MYLK2: variants seen among roughly 807,000 people sequenced by gnomAD.
MYLK2 encodes the protein myosin light chain kinase 2.
In MYLK2, 27 loss-of-function variants were observed where a neutral mutation model predicts 58.2. The ratio of observed to expected loss-of-function variants is 0.46; its 90% CI spans 0.34 to 0.64. MYLK2 has a LOEUF of 0.64. Among genes scored for constraint, MYLK2 ranks in the 30% least tolerant of loss-of-function variants. The probability of loss-of-function intolerance (pLI) is 0.01; values close to 1 mark genes in which losing one functional copy is unlikely to be tolerated. For missense variants in MYLK2, 676 were observed against 764.3 expected, an observed-to-expected ratio of 0.88 and a Z score of 1.36; for synonymous variants, 310 against 296.7, an observed-to-expected ratio of 1.04 and a Z score of -0.46.
rs1353345078 is a variant in MYLK2, at chr20:31,834,435, T to G, written c.*638T>G. 6.5e-6 allele frequency: 1 copy of G among 153,304 alleles called. No individual in the cohort carries two copies. The highest frequency in any genetic ancestry group is 2.4e-5 in the African/African-American group (1 of 41,214). 9.5% of individuals were successfully genotyped at this position (153,304 alleles called of 1,614,324 possible). ...TGCGACCACCAACACACAGGAACTC[T>G]GTGTGAGAGAGAGGGCGCCCAGCCC... On this transcript the variant is annotated 3_prime_UTR_variant, in exon 13 of 13. Coordinates refer to ENST00000375985, the MANE Select transcript of MYLK2 (RefSeq NM_033118.4).
In MYLK2 at chr20:31,833,722, C is replaced by A; in HGVS notation, c.1716C>A (p.Asn572Lys). ...KYLMKRRWKK[N>K]FIAVSAANRF... ...CCCTCTCTTCTGCCCTCTAGAAAAACTTCATTGCTGTCAGCGCTGCCAACC... is the reference window on the plus strand; with the variant it reads ...CCCTCTCTTCTGCCCTCTAGAAAAAATTCATTGCTGTCAGCGCTGCCAACC... The change falls in exon 13 of 13, where the codon AAC becomes AAA. Residue 572 changes from asparagine to lysine, a missense_variant. Asn to Lys is a moderately conservative substitution (Grantham distance 94). Around this residue, in one of 2 missense-constraint regions of MYLK2, gnomAD observed 370 missense variants for 467.8 expected, o/e 0.79. Coordinates refer to ENST00000375985, the MANE Select transcript of MYLK2 (RefSeq NM_033118.4). 2.5e-6 allele frequency: 4 copies of A among 1,613,992 alleles called. No individual in the cohort carries two copies. In the South Asian group the frequency reaches 3.3e-5, roughly 13 times the overall value.
At chr20:31,828,678 C>T in intron 8 of MYLK2, 1 of 985,444 alleles carries the variant, frequency 1.0e-6, no homozygotes, top group Non-Finnish European at 1.2e-6. Flanking sequence ...CTGAAGCAGG[C>T]AGGGAGATGC....
At chr20:31,829,917 T>A (rs1439777167) in intron 8 of MYLK2, among the ~76,000 whole-genome samples, 1 of 152,234 alleles carries the variant, frequency 6.6e-6, no homozygotes. Flanking sequence ...GAGCCCCTAC[T>A]GGGTGCCTTT....
intron 8 of MYLK2, chr20:31,828,209 A>G (rs907018353): frequency 2.0e-6 from 2 of 985,210 alleles, no homozygotes; most frequent in South Asian, 4.7e-5. Context: ...TATACATTGC[A>G]GCAACTCCAG....
At chr20:31,822,415 A>AG (rs2062255627) in intron 4 of MYLK2, among the ~76,000 whole-genome samples, 1 of 152,198 alleles carries the variant, frequency 6.6e-6, no homozygotes, top group Admixed American at 6.5e-5. Flanking sequence ...TGAGGAGCAC[A>AG]GGTGCCTGTG....
At position 31,820,470 on chromosome 20, in the gene MYLK2, G is replaced by C. The variant is rs1369402580; in HGVS notation, c.397G>C (p.Ala133Pro). 1.2e-6 allele frequency: 2 copies of C among 1,610,932 alleles called. No homozygotes were observed. Among genetic ancestry groups the C allele is most frequent in the Non-Finnish European group, 1.7e-6 (2 of 1,180,014 alleles). The change falls in exon 3 of 13, where the codon GCA becomes CCA. Residue 133 changes from alanine to proline, a missense_variant. Ala to Pro is a conservative substitution (Grantham distance 27, BLOSUM62 -1). Coordinates refer to ENST00000375985, the MANE Select transcript of MYLK2 (RefSeq NM_033118.4). Reference protein sequence around the residue: ...PGKPRVGKKAAEGQAAARRGS... With the variant: ...PGKPRVGKKAPEGQAAARRGS... ...AAAGCCCAGGGTGGGCAAGAAGGCA[G>C]CAGAGGGCCAAGCAGCAGCCAGGAG...
At position 31,821,481 on chromosome 20, in the gene MYLK2, A is replaced by C. The variant is rs1407512079; in HGVS notation, c.516A>C (p.Ser172=). The C allele has an allele frequency of 6.8e-6, 11 of 1,613,834 alleles. No homozygotes were observed. Among genetic ancestry groups the C allele is most frequent in the Non-Finnish European group, 9.3e-6 (11 of 1,180,044 alleles). ...CCAAGAAGCCCCCAAGCGAGGCATC[A>C]GAGCTCACCTTTGAAGGGGTGCCCA... ...LLAKKPPSEA[S]ELTFEGVPMT... is the part of the protein sequence containing the mutation. Residue 172 remains serine (S), a synonymous_variant, in exon 4 of 13, where the codon TCA becomes TCC. Transcript: ENST00000375985.
chr20:31,821,556 G>T lies in MYLK2; in HGVS notation c.591G>T (p.Lys197Asn), dbSNP rs1450943906. 5 of 1,613,984 alleles carry T rather than the reference G, an allele frequency of 3.1e-6. No homozygotes were observed. The highest frequency in any genetic ancestry group is 1.3e-5 in the African/African-American group (1 of 74,934). The change falls in exon 4 of 13, where the codon AAG (lysine) becomes AAT (asparagine). Residue 197 changes from lysine to asparagine, a missense_variant. Lys to Asn is a moderately conservative substitution (Grantham distance 94, BLOSUM62 0). This residue lies in a region of MYLK2 where 306 missense variants were observed against 296.5 expected (regional missense o/e 1.03). Coordinates refer to ENST00000375985, the MANE Select transcript of MYLK2 (RefSeq NM_033118.4). Reference sequence around the variant, plus strand: ...GGCCAGCCAAGGCAGAAGAAGGAAAGAACATCCTGGCAGAGAGCCAGAAGG... The same window carrying T: ...GGCCAGCCAAGGCAGAAGAAGGAAATAACATCCTGGCAGAGAGCCAGAAGG... ...DPRPAKAEEGKNILAESQKEV... is the reference protein window; with the variant it reads ...DPRPAKAEEGNNILAESQKEV...
At chr20:31,828,462 T>A in intron 8 of MYLK2, 1 of 985,380 alleles carries the variant, frequency 1.0e-6, no homozygotes, top group African/African-American at 1.7e-5. Context: ...GATAAGCACG[T>A]GCTGGGTACC....
intron 4 of MYLK2, among the ~76,000 whole-genome samples, chr20:31,822,285 AAC>A (rs201333644): frequency 0.02 from 3,000 of 152,316 alleles, 43 homozygotes; most frequent in South Asian, 0.034. Flanking sequence ...TTATTGGAGC[AAC>A]ACAAACTCCC....
Sources: allele counts gnomAD v4.1 joint callset (sites outside exome capture counted in the v4.1 genomes callset), GRCh38; gene constraint gnomAD v4.1.1; regional missense constraint gnomAD v4.1.1; transcripts MANE v1.5; gene names NCBI Gene and HGNC (gene_info 2026-07-23, HGNC 2026-07-21).